GRIN2B: variants seen among roughly 807,000 people sequenced by gnomAD.
GRIN2B encodes the protein glutamate ionotropic receptor NMDA type subunit 2B, also known as glutamate receptor ionotropic, NMDA 2B.
A neutral mutation model predicts 114.5 loss-of-function variants in GRIN2B; 5 were observed. That is an observed-to-expected ratio of 0.04 (90% CI 0.02 to 0.09). The LOEUF (loss-of-function observed/expected upper bound fraction) is 0.09. Ranked by LOEUF, GRIN2B falls within the 10% of genes least tolerant of loss-of-function variation. The pLI, the probability that GRIN2B is intolerant of heterozygous loss-of-function variation, is 1.00. For synonymous variants in GRIN2B, 787 were observed against 745.1 expected (o/e 1.06, Z -0.92); for missense variants, 1,108 against 1,943.5 (o/e 0.57, Z 8.08).
intron 2 of GRIN2B, among the ~76,000 whole-genome samples, chr12:13,908,113 C>T (rs1214425135): frequency 6.6e-6 from 1 of 152,092 alleles, no homozygotes; most frequent in Non-Finnish European, 1.5e-5. Flanking sequence ...TCCTAAACAT[C>T]ACAGGAATAT....
intron 3 of GRIN2B, among the ~76,000 whole-genome samples, chr12:13,797,683 G>C (rs12582266): frequency 2.0e-5 from 3 of 152,274 alleles, no homozygotes; most frequent in Admixed American, 2.0e-4. Flanking sequence ...ACAAAATTCA[G>C]CAAGAGTTTC....
chr12:13,688,308 A>T (rs1013616124), intron 4 of GRIN2B, among the ~76,000 whole-genome samples: 3 of 152,214 alleles, frequency 2.0e-5, no homozygotes, highest in Non-Finnish European at 1.5e-5. Context: ...TTATACACCA[A>T]CCAGTGGTCC....
At chr12:13,883,220 C>A (rs1049230499) in intron 2 of GRIN2B, among the ~76,000 whole-genome samples, 6 of 152,312 alleles carry the variant, frequency 3.9e-5, no homozygotes, top group African/African-American at 1.4e-4. Flanking sequence ...ATAATGTTCA[C>A]ATATGGTCTG....
At chr12:13,705,444 A>G (rs1950351548) in intron 4 of GRIN2B, among the ~76,000 whole-genome samples, 1 of 152,180 alleles carries the variant, frequency 6.6e-6, no homozygotes. Flanking sequence ...ATTTAAAAGT[A>G]TACTATATTT....
At chr12:13,632,388 G>C (rs906136918) in intron 5 of GRIN2B, among the ~76,000 whole-genome samples, 1 of 152,234 alleles carries the variant, frequency 6.6e-6, no homozygotes, top group Non-Finnish European at 1.5e-5. Flanking sequence ...GCCAGCCCAG[G>C]AGAATAGATA....
At chr12:13,818,937 G>C (rs1013270751) in intron 3 of GRIN2B, among the ~76,000 whole-genome samples, 1 of 152,194 alleles carries the variant, frequency 6.6e-6, no homozygotes, top group Admixed American at 6.5e-5. Context: ...AACCTCGAAA[G>C]AATACATTCA....
rs577787707 is a variant in GRIN2B at position 13,568,215 on chromosome 12, G to A, written c.2360-952C>T. Among the ~76,000 whole-genome samples the A allele has an allele frequency of 2.1e-3, 318 of 152,214 alleles. 2 individuals are homozygous for A. The highest frequency in any genetic ancestry group is 7.4e-3 in the African/African-American group (307 of 41,548). ...CTTCACCAGATGCTAGGAAGTAGGA[G>A]GAAGTAGGAAGAGGTCCCAGACAAA... On this transcript the variant is annotated intron_variant, in intron 12 of 13. Coordinates refer to ENST00000609686, the MANE Select transcript of GRIN2B (RefSeq NM_000834.5).
chr12:13,845,361 C>G (rs1424673973), intron 3 of GRIN2B, among the ~76,000 whole-genome samples: 1 of 152,096 alleles, frequency 6.6e-6, no homozygotes, highest in Admixed American at 6.5e-5. Context: ...TATCTCAAAC[C>G]ACATTAAAAT....
intron 9 of GRIN2B, among the ~76,000 whole-genome samples, chr12:13,610,198 C>T (rs749043098): frequency 2.6e-4 from 40 of 152,160 alleles, no homozygotes; most frequent in Non-Finnish European, 5.4e-4. Flanking sequence ...AGATGTGTAA[C>T]TAAAACGTTG....
rs528031479 is a variant in GRIN2B, at chr12:13,721,024, G to A, written c.1010+32293C>T. ...GCCATTTAGAGAATTAATTAGTACC[G>A]TACAATAGATAGTGACCAAGAAGCT... On this transcript the variant is annotated intron_variant, in intron 4 of 13. Transcript: ENST00000609686. 3.6e-4 allele frequency among the ~76,000 whole-genome samples: 55 copies of A among 152,098 alleles called. No individual in the cohort carries two copies. In the South Asian group the frequency reaches 4.8e-3, roughly 13 times the overall value.
intron 10 of GRIN2B, among the ~76,000 whole-genome samples, chr12:13,585,882 C>T (rs149668230): frequency 9.1e-4 from 138 of 152,292 alleles, no homozygotes; most frequent in African/African-American, 3.2e-3. Context: ...TACTCTGCAC[C>T]AGGAGCTGCC....
At chr12:13,848,392 T>C (rs1402547419) in intron 3 of GRIN2B, among the ~76,000 whole-genome samples, 2 of 151,844 alleles carry the variant, frequency 1.3e-5, no homozygotes, top group Non-Finnish European at 2.9e-5. Flanking sequence ...CACTACTTCC[T>C]GGAGAAACCC....
At chr12:13,791,897 GTCTCATT>G (rs1864328379) in intron 3 of GRIN2B, among the ~76,000 whole-genome samples, 1 of 152,098 alleles carries the variant, frequency 6.6e-6, no homozygotes, top group South Asian at 2.1e-4. Flanking sequence ...CGAACATCAG[GTCTCATT>G]TCTTCTTTTT....
intron 3 of GRIN2B, among the ~76,000 whole-genome samples, chr12:13,830,342 C>T (rs918110815): frequency 6.6e-6 from 1 of 152,156 alleles, no homozygotes; most frequent in Non-Finnish European, 1.5e-5. Flanking sequence ...GGTTAAGGTA[C>T]TCATGCTTCT....
rs767870767 is a variant in GRIN2B, at chr12:13,563,702, A to T, written c.3536T>A (p.Ile1179Asn). The T allele has an allele frequency of 1.1e-5, 18 of 1,613,522 alleles. No individual in the cohort carries two copies. Among genetic ancestry groups the T allele is most frequent in the Non-Finnish European group, 1.4e-5 (17 of 1,179,960 alleles). The change falls in exon 14 of 14, where the codon ATC (isoleucine) becomes AAC (asparagine). Residue 1179 changes from isoleucine to asparagine, a missense_variant. By Grantham distance (149) the Ile-to-Asn change is moderately radical. Transcript: ENST00000609686. ...GGGPCTNRSH[I>N]KHGTGDKHGV... ...GTGTTTGTCGCCCGTCCCGTGCTTG[A>T]TGTGAGACCTGTTGGTACAGGGCCC...
intron 2 of GRIN2B, among the ~76,000 whole-genome samples, chr12:13,972,381 G>A (rs185397819): frequency 1.4e-4 from 22 of 152,238 alleles, no homozygotes; most frequent in African/African-American, 5.1e-4. Flanking sequence ...ACAGAATAAA[G>A]CAACACAAGC....
chr12:13,685,671 A>G lies in GRIN2B; in HGVS notation c.1011-9812T>C, dbSNP rs75580973. ...GGAAGCTGTTGACTCATTCAAAAAC[A>G]TATCTCTGACTTCAGAAAACCCAGT... On this transcript the variant is annotated intron_variant, in intron 4 of 13. Coordinates refer to ENST00000609686, the MANE Select transcript of GRIN2B (RefSeq NM_000834.5). Among the ~76,000 whole-genome samples, 18 of 152,310 alleles carry G rather than the reference A, an allele frequency of 1.2e-4. 1 individual carries two copies. Among genetic ancestry groups the G allele is most frequent in the Admixed American group, 2.0e-4 (3 of 15,286 alleles).
chr12:13,948,881 G>A (rs1376417671), intron 2 of GRIN2B, among the ~76,000 whole-genome samples: 2 of 152,036 alleles, frequency 1.3e-5, no homozygotes, highest in Non-Finnish European at 2.9e-5. Flanking sequence ...AAACTGATGG[G>A]CAGCCACTCA....
intron 5 of GRIN2B, among the ~76,000 whole-genome samples, chr12:13,668,171 A>G (rs1221284269): frequency 2.0e-5 from 3 of 152,198 alleles, no homozygotes; most frequent in African/African-American, 7.2e-5. Flanking sequence ...AGGTTAGGCC[A>G]GCACTTCTTC....
Sources: allele counts gnomAD v4.1 joint callset (sites outside exome capture counted in the v4.1 genomes callset), GRCh38; gene constraint gnomAD v4.1.1; transcripts MANE v1.5; gene names NCBI Gene and HGNC (gene_info 2026-07-23, HGNC 2026-07-21).